SPATS2L: variants seen among roughly 807,000 people sequenced by gnomAD.
SPATS2L encodes SPATS2-like protein.
In SPATS2L, 30 loss-of-function variants were observed where a neutral mutation model predicts 59.6. The ratio of observed to expected loss-of-function variants is 0.50; its 90% CI spans 0.38 to 0.68. The LOEUF (loss-of-function observed/expected upper bound fraction) is 0.68, where lower values mean the gene tolerates loss of function less well. Ranked by LOEUF, SPATS2L falls within the 30% of genes least tolerant of loss-of-function variation. SPATS2L has a pLI of 0.00. For synonymous variants in SPATS2L, 252 were observed against 263.5 expected (o/e 0.96, Z 0.42); for missense variants, 615 against 700.0 (o/e 0.88, Z 1.37).
chr2:200,306,491 G>A, upstream of SPATS2L: 2 of 1,002,312 alleles, frequency 2.0e-6, no homozygotes, highest in Non-Finnish European at 2.4e-6. Context: ...GTGGAGGGAC[G>A]AGATCTGTGT....
At chr2:200,414,296 T>C (rs1441995012) in intron 4 of SPATS2L, among the ~76,000 whole-genome samples, 1 of 152,146 alleles carries the variant, frequency 6.6e-6, no homozygotes, top group Non-Finnish European at 1.5e-5. Flanking sequence ...CTGAGAAGCC[T>C]CATGAGAAGT....
rs372942551 is a variant in SPATS2L, at chr2:200,440,713, C to T, written c.717C>T (p.Arg239=). The change falls in exon 8 of 13, where the codon CGC becomes CGT. Residue 239 remains arginine (R), a synonymous_variant. Transcript: ENST00000409140. ...QRCTVSLTRY[R]VMIKEEVDSS... ...GCACCGTTTCTCTAACTAGATATCG[C>T]GTCATGATTAAGGAAGAAGTGGATA... 1.9e-5 allele frequency: 31 copies of T among 1,613,418 alleles called. 1 individual carries two copies. In the African/African-American group the frequency reaches 2.3e-4, roughly 12 times the overall value.
intron 1 of SPATS2L, among the ~76,000 whole-genome samples, chr2:200,308,617 C>G (rs1574350542): frequency 6.6e-6 from 1 of 151,894 alleles, no homozygotes; most frequent in Admixed American, 6.6e-5. Context: ...ATCTGTGTGG[C>G]TTTAAATACA....
chr2:200,457,237 C>G (rs1395794285), intron 8 of SPATS2L, among the ~76,000 whole-genome samples: 1 of 151,878 alleles, frequency 6.6e-6, no homozygotes, highest in African/African-American at 2.4e-5. Flanking sequence ...CACACACACA[C>G]ACACACACAC....
At chr2:200,447,483 A>G (rs896267054) in intron 8 of SPATS2L, among the ~76,000 whole-genome samples, 1 of 152,202 alleles carries the variant, frequency 6.6e-6, no homozygotes, top group African/African-American at 2.4e-5. Context: ...TTAACAGGTA[A>G]GCATAGGAAA....
intron 2 of SPATS2L, among the ~76,000 whole-genome samples, chr2:200,384,876 A>T (rs1224632661): frequency 1.3e-5 from 2 of 152,214 alleles, no homozygotes; most frequent in Non-Finnish European, 2.9e-5. Context: ...GTTTTAAAAA[A>T]TGTCTAAGCT....
Position 200,339,796 on chromosome 2 carries a change from A to G in SPATS2L, c.-23+10316A>G, listed in dbSNP as rs1482264150. On this transcript the variant is annotated intron_variant, in intron 2 of 12. Coordinates refer to ENST00000409140, the MANE Select transcript of SPATS2L (RefSeq NM_001100423.2). ...AATTTTTTACAAAGTTTAAAGTGCA[A>G]TACAAATGTAATTATGTTACTGCTA... Among the ~76,000 whole-genome samples, 3 of 152,354 alleles carry G rather than the reference A, an allele frequency of 2.0e-5. No homozygotes were observed. In the East Asian group the frequency reaches 5.8e-4, roughly 29 times the overall value.
intron 8 of SPATS2L, among the ~76,000 whole-genome samples, chr2:200,457,931 A>G (rs2085965095): frequency 6.6e-6 from 1 of 152,246 alleles, no homozygotes; most frequent in Non-Finnish European, 1.5e-5. Context: ...GATGGAGAAG[A>G]AAAAGTCCAT....
rs144785224 is a variant in SPATS2L at position 200,316,299 on chromosome 2, T to C, written c.-73+9377T>C. On this transcript the variant is annotated intron_variant, in intron 1 of 12. Coordinates refer to ENST00000409140, the MANE Select transcript of SPATS2L (RefSeq NM_001100423.2). ...CTTAAATTCTGAGAACTTCCTCTCTTGGTTTCAACCTGGGCGGCTGTTTTT... is the reference window on the plus strand; with the variant it reads ...CTTAAATTCTGAGAACTTCCTCTCTCGGTTTCAACCTGGGCGGCTGTTTTT... 1.9e-3 allele frequency among the ~76,000 whole-genome samples: 294 copies of C among 152,336 alleles called. 2 individuals are homozygous for C. Among genetic ancestry groups the C allele is most frequent in the Non-Finnish European group, 2.8e-3 (188 of 68,038 alleles).
intron 2 of SPATS2L, among the ~76,000 whole-genome samples, chr2:200,375,938 G>T (rs2081584837): frequency 6.6e-6 from 1 of 152,284 alleles, no homozygotes; most frequent in Middle Eastern, 3.4e-3. Flanking sequence ...GACAGTGCTG[G>T]TTTTAAAAGG....
chr2:200,384,078 AT>A, intron 2 of SPATS2L: 1 of 872,488 alleles, frequency 1.1e-6, no homozygotes, highest in Non-Finnish European at 1.4e-6. Flanking sequence ...ATAAATATAT[AT>A]TTTTAAAACT....
chr2:200,387,408 GCT>G (rs2082025715), intron 2 of SPATS2L, among the ~76,000 whole-genome samples: 1 of 152,190 alleles, frequency 6.6e-6, no homozygotes, highest in Non-Finnish European at 1.5e-5. Context: ...ATGTCCAAAT[GCT>G]TGTGTCAGTG....
intron 1 of SPATS2L, among the ~76,000 whole-genome samples, chr2:200,328,544 G>C (rs914461297): frequency 6.6e-6 from 1 of 152,162 alleles, no homozygotes; most frequent in Non-Finnish European, 1.5e-5. Context: ...GTTGGTGCCA[G>C]AGCCAGGAAC....
At chr2:200,397,208 A>T (rs905362983) in intron 3 of SPATS2L, among the ~76,000 whole-genome samples, 13 of 152,190 alleles carry the variant, frequency 8.5e-5, no homozygotes, top group African/African-American at 3.1e-4. Context: ...GCTGAGAGGT[A>T]TATATAAGAT....
At chr2:200,358,649 T>C (rs1340884950) in intron 2 of SPATS2L, among the ~76,000 whole-genome samples, 1 of 151,924 alleles carries the variant, frequency 6.6e-6, no homozygotes, top group East Asian at 1.9e-4. Context: ...CAAGCAAATG[T>C]AGTAATATCT....
chr2:200,308,470 G>C (rs538347409), intron 1 of SPATS2L, among the ~76,000 whole-genome samples: 2 of 152,052 alleles, frequency 1.3e-5, no homozygotes, highest in African/African-American at 2.4e-5. Flanking sequence ...GTTTCTATTT[G>C]GACAAGGCAA....
intron 11 of SPATS2L, among the ~76,000 whole-genome samples, chr2:200,472,102 G>T (rs532873052): frequency 6.6e-6 from 1 of 152,338 alleles, no homozygotes; most frequent in Admixed American, 6.5e-5. Context: ...TGAGCCCTGA[G>T]CCCTGAGCTC....
At chr2:200,359,544 A>T in intron 2 of SPATS2L, among the ~76,000 whole-genome samples, 1 of 152,316 alleles carries the variant, frequency 6.6e-6, no homozygotes, top group South Asian at 2.1e-4. Context: ...CCAATGACTA[A>T]CATTATTTCC....
chr2:200,358,350 T>C (rs1043317583), intron 2 of SPATS2L, among the ~76,000 whole-genome samples: 2 of 152,172 alleles, frequency 1.3e-5, no homozygotes, highest in African/African-American at 4.8e-5. Flanking sequence ...TGGACTTCTT[T>C]TTCTTCCAGC....
Sources: allele counts gnomAD v4.1 joint callset (sites outside exome capture counted in the v4.1 genomes callset), GRCh38; gene constraint gnomAD v4.1.1; transcripts MANE v1.5; gene names NCBI Gene and HGNC (gene_info 2026-07-23, HGNC 2026-07-21).